Variants in DZIP3 observed in about 807,000 individuals in gnomAD.
The protein encoded by DZIP3 is E3 ubiquitin-protein ligase DZIP3.
A neutral mutation model predicts 162.0 loss-of-function variants in DZIP3; 118 were observed. The observed-to-expected ratio is 0.73, with a 90% CI of 0.63 to 0.85. The LOEUF is 0.85. DZIP3 is among the 40% of genes least tolerant of loss of function. DZIP3 has a pLI of 0.00. For missense variants in DZIP3, 1,331 were observed against 1,407.0 expected (o/e 0.95, Z 0.86); for synonymous variants, 438 against 458.6 (o/e 0.96, Z 0.57).
chr3:108,653,518 T>C (rs1470885605), intron 18 of DZIP3, among the ~76,000 whole-genome samples: 2 of 132,570 alleles, frequency 1.5e-5, no homozygotes, highest in African/African-American at 6.9e-5. Flanking sequence ...TATATATATA[T>C]ATATATATAT....
intron 13 of DZIP3, among the ~76,000 whole-genome samples, chr3:108,642,821 C>T (rs1372672300): frequency 6.6e-6 from 1 of 152,192 alleles, no homozygotes; most frequent in African/African-American, 2.4e-5. Context: ...TCCCTTGCTG[C>T]ATTCCTTCTT....
In DZIP3 at chr3:108,675,904, G is replaced by T. The variant is rs751713028; in HGVS notation, c.2781+31G>T. 4.4e-6 allele frequency: 7 copies of T among 1,585,276 alleles called. No individual in the cohort carries two copies. In the South Asian group the frequency reaches 4.5e-5, roughly 10 times the overall value. ...TCCTGAAGTATATTTGGAGAAAATT[G>T]GCTTAATGTTATAGGTGGTGTAAAG... is the stretch of plus-strand genomic sequence containing the variant. On this transcript the variant is annotated intron_variant, in intron 25 of 32. Transcript: ENST00000361582.
At chr3:108,618,604 T>C (rs956623645) in intron 5 of DZIP3, among the ~76,000 whole-genome samples, 4 of 152,172 alleles carry the variant, frequency 2.6e-5, no homozygotes, top group South Asian at 2.1e-4. Context: ...ATGAGGAGTT[T>C]ATATTTAATA....
intron 3 of DZIP3, among the ~76,000 whole-genome samples, chr3:108,609,659 G>A (rs559956101): frequency 4.9e-4 from 75 of 152,212 alleles, no homozygotes; most frequent in Non-Finnish European, 9.0e-4. Context: ...TTTACAATAT[G>A]GCAAAACATT....
At chr3:108,686,623 T>A in intron 28 of DZIP3, 39 bp downstream of exon 28, 1 of 1,461,042 alleles carries the variant, frequency 6.8e-7, no homozygotes, top group Non-Finnish European at 9.1e-7. Flanking sequence ...ACAGATCATA[T>A]TCTCCAGTTT....
intron 19 of DZIP3, among the ~76,000 whole-genome samples, chr3:108,660,293 A>G (rs1056774838): frequency 2.0e-5 from 3 of 152,232 alleles, no homozygotes; most frequent in Non-Finnish European, 4.4e-5. Context: ...AAACAGAGAT[A>G]TAGACCAATG....
upstream of DZIP3, chr3:108,589,555 G>A (rs1222231190): frequency 2.0e-5 from 10 of 498,976 alleles, no homozygotes; most frequent in Non-Finnish European, 3.6e-5. Context: ...CGGCCGGGGT[G>A]GGCCAGGGGT....
At chr3:108,649,664 T>C (rs902260786) in intron 17 of DZIP3, among the ~76,000 whole-genome samples, 1 of 151,856 alleles carries the variant, frequency 6.6e-6, no homozygotes, top group Admixed American at 6.6e-5. Flanking sequence ...AGTGAGAATA[T>C]TTGCCCAACC....
At chr3:108,605,567 T>A (rs1940303491) in intron 2 of DZIP3, 129 bp downstream of exon 2, 1 of 907,018 alleles carries the variant, frequency 1.1e-6, no homozygotes. Flanking sequence ...CATCAGGCAT[T>A]AGATTCTCAC....
intron 5 of DZIP3, among the ~76,000 whole-genome samples, chr3:108,620,429 G>C (rs1446733721): frequency 6.6e-6 from 1 of 152,194 alleles, no homozygotes; most frequent in Non-Finnish European, 1.5e-5. Flanking sequence ...ATCAGCCAAA[G>C]ATCAACTTTG....
At chr3:108,622,949 C>T (rs143833993) in intron 5 of DZIP3, among the ~76,000 whole-genome samples, 1 of 149,530 alleles carries the variant, frequency 6.7e-6, no homozygotes, top group African/African-American at 2.5e-5. Context: ...CTTGTGGCCA[C>T]GACCACTGAG....
chr3:108,655,463 C>T (rs1430125887), intron 19 of DZIP3, among the ~76,000 whole-genome samples: 4 of 152,062 alleles, frequency 2.6e-5, no homozygotes, highest in African/African-American at 9.7e-5. Context: ...GTTCTTACAA[C>T]AATAAAAGCG....
chr3:108,616,455 A>G, intron 4 of DZIP3, 86 bp from the exon 5 acceptor site: 4 of 906,020 alleles, frequency 4.4e-6, no homozygotes, highest in Non-Finnish European at 6.6e-6. Flanking sequence ...ATTTTCTCCA[A>G]TGAGCATGAA....
intron 3 of DZIP3, among the ~76,000 whole-genome samples, chr3:108,609,061 C>T (rs1369407034): frequency 6.6e-6 from 1 of 152,034 alleles, no homozygotes; most frequent in Non-Finnish European, 1.5e-5. Context: ...ACAACAAGAT[C>T]TTGTGGGAAC....
intron 2 of DZIP3, among the ~76,000 whole-genome samples, chr3:108,606,511 C>G (rs571344447): frequency 2.9e-4 from 44 of 152,044 alleles, no homozygotes; most frequent in Non-Finnish European, 2.9e-4. Context: ...AATTGCATAA[C>G]TATTAGAGAT....
chr3:108,615,862 T>A (rs909359125), intron 4 of DZIP3, among the ~76,000 whole-genome samples: 5 of 152,238 alleles, frequency 3.3e-5, no homozygotes, highest in Admixed American at 2.0e-4. Context: ...ATATTTTAGC[T>A]ATGTCACACA....
intron 12 of DZIP3, among the ~76,000 whole-genome samples, chr3:108,642,236 T>TGCTTAC (rs147405005): frequency 0.14 from 21,556 of 152,046 alleles, 1,640 homozygotes; most frequent in South Asian, 0.27. Context: ...CTGGCAATAC[T>TGCTTAC]GCTTACTTGA....
At chr3:108,616,472 G>T in intron 4 of DZIP3, 69 bp from the exon 5 acceptor site, 3 of 1,008,466 alleles carry the variant, frequency 3.0e-6, no homozygotes, top group South Asian at 1.7e-5. Context: ...TGAATTATTT[G>T]TATAATGTAA....
chr3:108,633,103 A>T (rs766998973), intron 9 of DZIP3, 31 bp downstream of exon 9: 2 of 1,242,406 alleles, frequency 1.6e-6, no homozygotes, highest in Non-Finnish European at 2.1e-6. Flanking sequence ...CAGTATTTTT[A>T]AAAAGTAATT....
Sources: allele counts gnomAD v4.1 joint callset (sites outside exome capture counted in the v4.1 genomes callset), GRCh38; gene constraint gnomAD v4.1.1; transcripts MANE v1.5; gene names NCBI Gene and HGNC (gene_info 2026-07-23, HGNC 2026-07-21).